Variants in NLN observed in about 807,000 individuals in gnomAD.
The protein encoded by NLN is neurolysin.
NLN carries 64 observed loss-of-function variants against 79.9 expected under a neutral mutation model. That is an observed-to-expected ratio of 0.80 (90% confidence interval 0.65 to 0.99). The LOEUF (loss-of-function observed/expected upper bound fraction) is 0.99. NLN is among the 50% of genes least tolerant of loss of function. The pLI is 0.00. For synonymous variants in NLN, 267 were observed against 296.6 expected (o/e 0.90, Z 1.02); for missense variants, 835 against 858.7 (o/e 0.97, Z 0.34).
At chr5:65,729,369 CTTTTTT>C (rs34963968) in intron 1 of NLN, among the ~76,000 whole-genome samples, 11 of 101,066 alleles carry the variant, frequency 1.1e-4, no homozygotes, top group Non-Finnish European at 1.1e-4. Flanking sequence ...GTTTTCTTTT[CTTTTTT>C]TTTTTTTTTT....
chr5:65,794,545 C>T (rs970356878), intron 9 of NLN, among the ~76,000 whole-genome samples: 6 of 151,676 alleles, frequency 4.0e-5, no homozygotes, highest in East Asian at 1.9e-4. Context: ...GTCGAGGCTG[C>T]GGTGAGCTGT....
At chr5:65,736,968 AGTG>A (rs1229677675) in intron 1 of NLN, among the ~76,000 whole-genome samples, 1 of 152,020 alleles carries the variant, frequency 6.6e-6, no homozygotes, top group East Asian at 1.9e-4. Context: ...AGCTGGGCAT[AGTG>A]GCATTCATCT....
Position 65,722,322 on chromosome 5 carries a change from G to A in NLN, c.-52G>A, listed in dbSNP as rs1445333566. 56 of 1,477,468 alleles carry A rather than the reference G, an allele frequency of 3.8e-5. 1 individual carries two copies. The East Asian group carries it at 1.5e-3, about 39-fold the overall frequency. The allele number at this position is 1,477,468 out of a possible 1,614,324, so 91.5% of individuals were successfully genotyped here. ...CCCAGGCGCTGCCGCCCGCCTCGCC[G>A]CCCCACGCCGAAGGACCACGCGCCC... On this transcript the variant is annotated 5_prime_UTR_variant, in exon 1 of 13. Coordinates refer to ENST00000380985, the MANE Select transcript of NLN (RefSeq NM_020726.5).
chr5:65,810,661 A>G (rs967246034), intron 11 of NLN, among the ~76,000 whole-genome samples: 1 of 152,186 alleles, frequency 6.6e-6, no homozygotes. Flanking sequence ...TATTGACTAT[A>G]GTCATCCTGT....
At chr5:65,820,337 AG>A (rs1202541327) in intron 12 of NLN, among the ~76,000 whole-genome samples, 2 of 152,214 alleles carry the variant, frequency 1.3e-5, no homozygotes, top group African/African-American at 4.8e-5. Context: ...ACTGGATGAT[AG>A]GTTTGTGAGA....
At chr5:65,730,897 A>G (rs1170295853) in intron 1 of NLN, among the ~76,000 whole-genome samples, 1 of 152,212 alleles carries the variant, frequency 6.6e-6, no homozygotes, top group Non-Finnish European at 1.5e-5. Context: ...CACTTTGAAC[A>G]TTGCCTGGTT....
chr5:65,809,929 AT>A, intron 10 of NLN, 107 bp from the exon 11 acceptor site: 1 of 1,284,066 alleles, frequency 7.8e-7, no homozygotes, highest in Non-Finnish European at 1.1e-6. Context: ...TCCTGCTCCC[AT>A]TTTGTGAGTA....
intron 1 of NLN, among the ~76,000 whole-genome samples, chr5:65,724,045 C>T (rs1308644845): frequency 6.6e-6 from 1 of 151,558 alleles, no homozygotes; most frequent in Admixed American, 6.6e-5. Context: ...TAACTATTTT[C>T]CAAACCAACC....
rs1402723970 is a variant in NLN, at chr5:65,722,282, C to G, written c.-92C>G. ...TGTGGCCTCTGCGGCTAGGCCGGCT[C>G]GAGACTCCCGGGCGCCCAGGCGCTG... On this transcript the variant is annotated 5_prime_UTR_variant, in exon 1 of 13. Coordinates refer to ENST00000380985, the MANE Select transcript of NLN (RefSeq NM_020726.5). The G allele has an allele frequency of 2.0e-6, 2 of 1,020,704 alleles. No individual in the cohort carries two copies. Among genetic ancestry groups the G allele is most frequent in the Non-Finnish European group, 2.7e-6 (2 of 729,976 alleles). The allele number at this position is 1,020,704 out of a possible 1,614,324, so 63.2% of individuals were successfully genotyped here. A position where few individuals can be genotyped will look rare whatever the true frequency, so the allele number is the denominator to read the frequency against.
rs781441277 is a variant in NLN at position 65,788,393 on chromosome 5, C to T, written c.1234C>T (p.His412Tyr). The T allele has an allele frequency of 1.2e-6, 2 of 1,614,070 alleles. No individual in the cohort carries two copies. The highest frequency in any genetic ancestry group is 1.1e-5 in the South Asian group (1 of 91,090). Reference protein sequence around the residue: ...GLSFEQMTDAHVWNKSVTLYT... With the variant: ...GLSFEQMTDAYVWNKSVTLYT... ...TTCATTTGAACAAATGACAGATGCT[C>T]ATGTTTGGAACAAGAGTGTTACACT... The change falls in exon 8 of 13, where the codon CAT (histidine) becomes TAT (tyrosine). Residue 412 changes from histidine to tyrosine, a missense_variant. Physicochemically the swap from His to Tyr is moderately conservative, Grantham distance 83. Coordinates refer to ENST00000380985, the MANE Select transcript of NLN (RefSeq NM_020726.5).
chr5:65,740,197 G>A (rs973296138), intron 1 of NLN, among the ~76,000 whole-genome samples: 2 of 152,172 alleles, frequency 1.3e-5, no homozygotes, highest in Non-Finnish European at 2.9e-5. Flanking sequence ...TCTGGAAGCT[G>A]GGAAGTGCAA....
chr5:65,786,781 G>T (rs1291385198), intron 7 of NLN, among the ~76,000 whole-genome samples: 8 of 152,206 alleles, frequency 5.3e-5, no homozygotes, highest in Admixed American at 5.2e-4. Context: ...AGGATCCCTT[G>T]AGCCCAGGAG....
chr5:65,729,878 G>A (rs1015518001), intron 1 of NLN, among the ~76,000 whole-genome samples: 6 of 152,182 alleles, frequency 3.9e-5, no homozygotes, highest in Admixed American at 6.5e-5. Context: ...CCAAGCTGCC[G>A]CATTGCAAAG....
chr5:65,812,371 G>C lies in NLN; in HGVS notation c.1960G>C (p.Glu654Gln). 6.4e-7 allele frequency: 1 copy of C among 1,555,216 alleles called. No individual in the cohort carries two copies. Among genetic ancestry groups the C allele is most frequent in the Non-Finnish European group, 8.9e-7 (1 of 1,126,874 alleles). Residue 654 changes from glutamate to glutamine, a missense_variant, in exon 12 of 13, where the codon GAA becomes CAA. Coordinates refer to ENST00000380985, the MANE Select transcript of NLN (RefSeq NM_020726.5). ...MDMFYSCFKK[E>Q]GIMNPEVGMK... ...TATGTTTTACAGCTGTTTTAAAAAA[G>C]AAGGGATAATGAATCCAGAGGTATA...
intron 9 of NLN, among the ~76,000 whole-genome samples, chr5:65,801,875 T>C (rs112430083): frequency 6.6e-6 from 1 of 152,210 alleles, no homozygotes; most frequent in Non-Finnish European, 1.5e-5. Flanking sequence ...ACACACATTT[T>C]TGTTGTCATT....
At chr5:65,770,984 G>C (rs1020668674) in intron 3 of NLN, among the ~76,000 whole-genome samples, 2 of 152,110 alleles carry the variant, frequency 1.3e-5, no homozygotes, top group African/African-American at 4.8e-5. Context: ...AAATTCAAGA[G>C]AGTAGTTATT....
chr5:65,788,128 C>A lies in NLN; in HGVS notation c.969C>A (p.Ser323Arg). The A allele has an allele frequency of 1.2e-6, 2 of 1,612,270 alleles. No individual in the cohort carries two copies. Among genetic ancestry groups the A allele is most frequent in the Middle Eastern group, 1.7e-4 (1 of 6,034 alleles). The part of the protein sequence containing the change: ...SRVTAFLDDL[S>R]QKLKPLGEAE... Reference sequence around the variant, plus strand: ...TCCTTTTCCTTACAGATGATTTAAGCCAGAAGTTAAAACCCTTGGGTGAAG... The same window carrying A: ...TCCTTTTCCTTACAGATGATTTAAGACAGAAGTTAAAACCCTTGGGTGAAG... Residue 323 changes from serine (S) to arginine (R), a missense_variant, in exon 8 of 13, where the codon AGC becomes AGA. Coordinates refer to ENST00000380985, the MANE Select transcript of NLN (RefSeq NM_020726.5).
intron 1 of NLN, among the ~76,000 whole-genome samples, chr5:65,739,030 A>AATATATATAAAAT (rs1554028957): frequency 8.5e-4 from 114 of 134,762 alleles, no homozygotes; most frequent in Non-Finnish European, 9.3e-4. Context: ...ATAAATATAT[A>AATATATATAAAAT]ATATATATAT....
At chr5:65,732,206 A>G (rs1189451067) in intron 1 of NLN, among the ~76,000 whole-genome samples, 4 of 152,262 alleles carry the variant, frequency 2.6e-5, no homozygotes, top group Non-Finnish European at 5.9e-5. Context: ...GAAGTATAAA[A>G]GGAAGTCCAG....
Sources: allele counts gnomAD v4.1 joint callset (sites outside exome capture counted in the v4.1 genomes callset), GRCh38; gene constraint gnomAD v4.1.1; transcripts MANE v1.5; gene names NCBI Gene and HGNC (gene_info 2026-07-23, HGNC 2026-07-21).